PRICKLE3: variants seen among roughly 807,000 people sequenced by gnomAD.
PRICKLE3 encodes the protein prickle planar cell polarity protein 3.
PRICKLE3 carries 17 observed loss-of-function variants against 33.8 expected under a neutral mutation model. That is an observed-to-expected ratio of 0.50 (90% CI 0.34 to 0.75). PRICKLE3 has a LOEUF of 0.75. PRICKLE3 is among the 30% of genes least tolerant of loss of function. The pLI is 0.01. For synonymous variants in PRICKLE3, 211 were observed against 219.6 expected, an observed-to-expected ratio of 0.96 and a Z score of 0.34; for missense variants, 573 against 576.7, an observed-to-expected ratio of 0.99 and a Z score of 0.07.
At chrX:49,181,388 GTATA>G (rs1166288227) in intron 3 of PRICKLE3, among the ~76,000 whole-genome samples, 7 of 82,531 alleles carry the variant, frequency 8.5e-5, no homozygotes, top group Admixed American at 2.9e-4. Flanking sequence ...ATGTGTGTGT[GTATA>G]TATATATATA....
chrX:49,179,033 T>A (rs1300017738), intron 5 of PRICKLE3, among the ~76,000 whole-genome samples: 2 of 112,141 alleles, frequency 1.8e-5, no homozygotes, highest in African/African-American at 3.2e-5. Flanking sequence ...GTGGGATTGA[T>A]GGGACAGGTC....
chrX:49,175,021 A>C lies in PRICKLE3; in HGVS notation c.*652T>G, dbSNP rs1602595715. The C allele has an allele frequency of 2.5e-6, 1 of 398,191 alleles. No individual in the cohort carries two copies. The highest frequency in any genetic ancestry group is 4.4e-6 in the Non-Finnish European group (1 of 227,552). 32.8% of individuals were successfully genotyped at this position (398,191 alleles called of 1,213,427 possible). A position where few individuals can be genotyped will look rare whatever the true frequency, so the allele number is the denominator to read the frequency against. ...AGGCCCTAGGTTGGGACCCACTCCA[A>C]ATAATCTCCTCGGTGTGGGTGGTGG... On this transcript the variant is annotated 3_prime_UTR_variant, in exon 9 of 9. Transcript: ENST00000599218.
intron 6 of PRICKLE3, 21 bp downstream of exon 6, chrX:49,178,251 C>A: frequency 8.3e-7 from 1 of 1,200,441 alleles, no homozygotes; most frequent in Non-Finnish European, 1.1e-6. Context: ...AACTCCCACC[C>A]CTGGGCAGGG....
Position 49,186,294 on chromosome X carries a change from A to T in PRICKLE3, c.4T>A (p.Phe2Ile). The change falls in exon 1 of 9, where the codon TTC becomes ATC. Residue 2 changes from phenylalanine to isoleucine, a missense_variant. Transcript: ENST00000599218. M[F>I]ARGSRRRRSG... ...CGGCGCCTCCGGGACCCACGCGCGAACATGGCGCGCCCGGGCAGGGTCAAG... is the reference window on the plus strand; with the variant it reads ...CGGCGCCTCCGGGACCCACGCGCGATCATGGCGCGCCCGGGCAGGGTCAAG... 1 of 1,147,750 alleles carries T rather than the reference A, an allele frequency of 8.7e-7. No homozygotes were observed. The highest frequency in any genetic ancestry group is 2.5e-4 in the Middle Eastern group (1 of 3,956). The allele number at this position is 1,147,750 out of a possible 1,213,427, so 94.6% of individuals were successfully genotyped here.
chrX:49,181,614 T>TGTATATATATAGTATATATATAC lies in PRICKLE3; in HGVS notation c.313-1809_313-1808insGTATATATATACTATATATATAC, dbSNP rs2065456347. 1.1e-4 allele frequency among the ~76,000 whole-genome samples: 3 copies of TGTATATATATAGTATATATATAC among 28,465 alleles called. No homozygotes were observed. The Admixed American group carries it at 1.5e-3, about 15-fold the overall frequency. The allele number at this position is 28,465 out of a possible 115,157, so 24.7% of individuals were successfully genotyped here. A position where few individuals can be genotyped will look rare whatever the true frequency, so the allele number is the denominator to read the frequency against. ...GTGTATCTATATACGTATATATATA[T>TGTATATATATAGTATATATATAC]GTGTATATATATATACACACACATA... On this transcript the variant is annotated intron_variant, in intron 3 of 8. Transcript: ENST00000599218.
chrX:49,183,659 G>T, intron 3 of PRICKLE3, 75 bp downstream of exon 3: 1 of 1,099,031 alleles, frequency 9.1e-7, no homozygotes, highest in East Asian at 3.5e-5. Context: ...GTTCCCACCT[G>T]AGTGTGTGTG....
At chrX:49,184,083 A>G (rs961801240) in intron 2 of PRICKLE3, among the ~76,000 whole-genome samples, 166 bp from the exon 3 acceptor site, 2 of 106,777 alleles carry the variant, frequency 1.9e-5, no homozygotes, top group African/African-American at 7.0e-5. Context: ...AGGTGGGCCT[A>G]TGAGCCAGGG....
intron 3 of PRICKLE3, among the ~76,000 whole-genome samples, chrX:49,181,950 AT>A (rs781960710): frequency 1.9e-3 from 181 of 93,915 alleles, no homozygotes; most frequent in Admixed American, 1.3e-3. Flanking sequence ...CACCCAGCCT[AT>A]TTTTTTTTTT....
Position 49,175,403 on chromosome X carries a change from C to A in PRICKLE3, c.*270G>T. 1 of 330,121 alleles carries A rather than the reference C, an allele frequency of 3.0e-6. No homozygotes were observed. The allele number at this position is 330,121 out of a possible 1,213,427, so 27.2% of individuals were successfully genotyped here. A position where few individuals can be genotyped will look rare whatever the true frequency, so the allele number is the denominator to read the frequency against. On this transcript the variant is annotated 3_prime_UTR_variant, in exon 9 of 9. Transcript: ENST00000599218. The stretch of plus-strand genomic sequence containing the variant: ...GGGAACGCTGACACGAGCCTGGAGT[C>A]CCAGCTACTTGGGAGGCTGAGGTGG...
At position 49,176,923 on chromosome X, in the gene PRICKLE3, G is replaced by T. The variant is rs782664302; in HGVS notation, c.1235C>A (p.Thr412Asn). ...KGASETTTKG[T>N]STELAPATGP... ...CTCACCTGGCGCTAACTCTGTGCTG[G>T]TGCCTTTGGTGGTGGTCTCTGATGC... Residue 412 changes from threonine (T) to asparagine (N), a missense_variant, in exon 8 of 9, where the codon ACC becomes AAC. Coordinates refer to ENST00000599218, the MANE Select transcript of PRICKLE3 (RefSeq NM_006150.5). The T allele has an allele frequency of 9.2e-6, 11 of 1,198,203 alleles. No individual in the cohort carries two copies. In the South Asian group the frequency reaches 2.0e-4, roughly 22 times the overall value.
intron 3 of PRICKLE3, among the ~76,000 whole-genome samples, chrX:49,181,964 T>G (rs1602603037): frequency 9.3e-6 from 1 of 107,577 alleles, no homozygotes; most frequent in Non-Finnish European, 1.9e-5. Flanking sequence ...TTTTTTTTTT[T>G]GAGACAGGGT....
intron 3 of PRICKLE3, among the ~76,000 whole-genome samples, chrX:49,180,977 G>A (rs1343927617): frequency 2.7e-5 from 3 of 110,473 alleles, no homozygotes; most frequent in Non-Finnish European, 5.7e-5. Flanking sequence ...AACTGCTCCT[G>A]TCTTGGCCTC....
At chrX:49,181,565 G>GCGTGTA (rs1569526450) in intron 3 of PRICKLE3, among the ~76,000 whole-genome samples, 2 of 20,560 alleles carry the variant, frequency 9.7e-5, no homozygotes, top group Non-Finnish European at 1.5e-4. Context: ...ATATATACAC[G>GCGTGTA]TATATATACG....
At chrX:49,176,328 G>C (rs2065417085) in intron 8 of PRICKLE3, 63 bp from the exon 9 acceptor site, 1 of 890,732 alleles carries the variant, frequency 1.1e-6, no homozygotes, top group Non-Finnish European at 1.5e-6. Flanking sequence ...CTCCTAAGAG[G>C]AGGCCTGCGG....
chrX:49,182,666 C>T (rs1312767776), intron 3 of PRICKLE3, among the ~76,000 whole-genome samples: 2 of 111,966 alleles, frequency 1.8e-5, no homozygotes, highest in African/African-American at 6.5e-5. Flanking sequence ...ATTCTGGGCA[C>T]CCTATTTACA....
At position 49,177,028 on chromosome X, in the gene PRICKLE3, G is replaced by A. The variant is rs146977278; in HGVS notation, c.1130C>T (p.Pro377Leu). 426 of 1,207,814 alleles carry A rather than the reference G, an allele frequency of 3.5e-4. 1 individual carries two copies. Among genetic ancestry groups the A allele is most frequent in the Middle Eastern group, 4.7e-4 (2 of 4,283 alleles). ...SLGSEPTAPG[P>L]SRRSWSAGPV... Reference sequence around the variant, plus strand: ...GCCGGCACTCCAGCTGCGGCGGCTCGGCCCTGGAGCTGTGGGCTCGGACCC... The same window carrying A: ...GCCGGCACTCCAGCTGCGGCGGCTCAGCCCTGGAGCTGTGGGCTCGGACCC... Residue 377 changes from proline to leucine, a missense_variant, in exon 8 of 9, where the codon CCG (proline) becomes CTG (leucine). Coordinates refer to ENST00000599218, the MANE Select transcript of PRICKLE3 (RefSeq NM_006150.5).
At chrX:49,177,944 G>A (rs1428694202) in intron 7 of PRICKLE3, 49 bp downstream of exon 7, 23 of 1,121,287 alleles carry the variant, frequency 2.1e-5, no homozygotes, top group Non-Finnish European at 2.6e-5. Context: ...TAGGACTGTG[G>A]CCCAGCTGTC....
rs781985242 is a variant in PRICKLE3 at position 49,175,987 on chromosome X, G to A, written c.1534C>T (p.Arg512Cys). 28 of 1,208,944 alleles carry A rather than the reference G, an allele frequency of 2.3e-5. No individual in the cohort carries two copies. The African/African-American group carries it at 4.4e-4, about 19-fold the overall frequency. ...SPPPRAPSRR[R>C]HHHHNHHHHH... Reference sequence around the variant, plus strand: ...TGATGGTGATTATGATGATGGTGGCGGCGACGGCTGGGGGCCCTGGGTGGG... The same window carrying A: ...TGATGGTGATTATGATGATGGTGGCAGCGACGGCTGGGGGCCCTGGGTGGG... Residue 512 changes from arginine (R) to cysteine (C), a missense_variant, in exon 9 of 9, where the codon CGC (arginine) becomes TGC (cysteine). Arg to Cys is a radical substitution (Grantham distance 180, BLOSUM62 -3). Transcript: ENST00000599218.
chrX:49,176,159 G>T lies in PRICKLE3; in HGVS notation c.1362C>A (p.Pro454=). 1 of 1,191,680 alleles carries T rather than the reference G, an allele frequency of 8.4e-7. No individual in the cohort carries two copies. Among genetic ancestry groups the T allele is most frequent in the Non-Finnish European group, 1.1e-6 (1 of 885,065 alleles). ...CATCTGGGCGCAGGTTAGGCTGGCC[G>T]GGGGACTCTGGGGGCGGCTCGGGGA... The part of the protein sequence containing the change: ...RSVPEPPPES[P]GQPNLRPDDS... The change falls in exon 9 of 9, where the codon CCC becomes CCA. Residue 454 remains proline, a synonymous_variant. Coordinates refer to ENST00000599218, the MANE Select transcript of PRICKLE3 (RefSeq NM_006150.5).
Sources: allele counts gnomAD v4.1 joint callset (sites outside exome capture counted in the v4.1 genomes callset), GRCh38; gene constraint gnomAD v4.1.1; transcripts MANE v1.5; gene names NCBI Gene and HGNC (gene_info 2026-07-23, HGNC 2026-07-21).